ATP9A: variants seen among roughly 807,000 people sequenced by gnomAD.
ATP9A encodes ATPase phospholipid transporting 9A.
In ATP9A, 52 loss-of-function variants were observed where a neutral mutation model predicts 144.1. That is an observed-to-expected ratio of 0.36 (90% CI 0.29 to 0.45). The LOEUF (loss-of-function observed/expected upper bound fraction) is 0.45. Among genes scored for constraint, ATP9A ranks in the 20% least tolerant of loss-of-function variants. ATP9A has a pLI of 1.00. For missense variants in ATP9A, 947 were observed against 1,392.7 expected, an observed-to-expected ratio of 0.68 and a Z score of 5.09; for synonymous variants, 582 against 557.4, an observed-to-expected ratio of 1.04 and a Z score of -0.62.
chr20:51,686,225 G>A (rs1348664275), intron 9 of ATP9A, among the ~76,000 whole-genome samples: 2 of 151,918 alleles, frequency 1.3e-5, no homozygotes, highest in Non-Finnish European at 2.9e-5. Context: ...GTGGCGTGGG[G>A]GAGTGGGGAG....
At chr20:51,645,239 A>T (rs539716835) in intron 14 of ATP9A, among the ~76,000 whole-genome samples, 1 of 152,130 alleles carries the variant, frequency 6.6e-6, no homozygotes. Flanking sequence ...CCTCTGCAGG[A>T]TCTGGCGAGG....
At chr20:51,709,419 G>T (rs937167596) in intron 4 of ATP9A, among the ~76,000 whole-genome samples, 3 of 152,146 alleles carry the variant, frequency 2.0e-5, no homozygotes, top group Non-Finnish European at 4.4e-5. Flanking sequence ...GGAGGCTCGG[G>T]CAGGAGAATC....
chr20:51,613,248 C>T (rs1214588191), intron 23 of ATP9A, among the ~76,000 whole-genome samples: 2 of 152,168 alleles, frequency 1.3e-5, no homozygotes, highest in Admixed American at 6.5e-5. Context: ...GGTGAAAAAC[C>T]AGGGCCTGAA....
intron 2 of ATP9A, among the ~76,000 whole-genome samples, chr20:51,728,827 T>C (rs1490925943): frequency 6.6e-6 from 1 of 152,176 alleles, no homozygotes; most frequent in Non-Finnish European, 1.5e-5. Flanking sequence ...GCCTCTGCAC[T>C]ATCACTCAAT....
intron 3 of ATP9A, among the ~76,000 whole-genome samples, chr20:51,718,482 G>T (rs2077672473): frequency 6.6e-6 from 1 of 151,956 alleles, no homozygotes; most frequent in Non-Finnish European, 1.5e-5. Flanking sequence ...CTTTGGAGGA[G>T]TGGGGGGCAA....
rs747824190 is a variant in ATP9A, at chr20:51,676,166, C to T, written c.842G>A (p.Arg281Gln). 3.1e-6 allele frequency: 5 copies of T among 1,612,380 alleles called. No homozygotes were observed. The highest frequency in any genetic ancestry group is 1.3e-5 in the African/African-American group (1 of 74,578). ...GGGATTTGAGGTATTCATGACACTCCGGAGTTCTCTGCCAGTGTAAAGAAC... is the reference window on the plus strand; with the variant it reads ...GGGATTTGAGGTATTCATGACACTCTGGAGTTCTCTGCCAGTGTAAAGAAC... ...GVVLYTGREL[R>Q]SVMNTSNPRS... The change falls in exon 10 of 28, where the codon CGG becomes CAG. Residue 281 changes from arginine (R) to glutamine (Q), a missense_variant. Coordinates refer to ENST00000338821, the MANE Select transcript of ATP9A (RefSeq NM_006045.3).
intron 3 of ATP9A, among the ~76,000 whole-genome samples, chr20:51,714,132 C>T (rs1219451540): frequency 1.3e-5 from 2 of 152,046 alleles, no homozygotes; most frequent in Non-Finnish European, 2.9e-5. Flanking sequence ...GTCTCGATCT[C>T]TTGACCTCGT....
At chr20:51,650,072 C>A (rs1374904970) in intron 14 of ATP9A, among the ~76,000 whole-genome samples, 2 of 152,032 alleles carry the variant, frequency 1.3e-5, no homozygotes, top group Non-Finnish European at 2.9e-5. Context: ...GCATTTATGC[C>A]ACTGGGAGGC....
intron 6 of ATP9A, among the ~76,000 whole-genome samples, chr20:51,695,219 T>G (rs2077565464): frequency 6.6e-6 from 1 of 152,124 alleles, no homozygotes; most frequent in South Asian, 2.1e-4. Flanking sequence ...CCAGGCGTGG[T>G]GGCTCACACC....
At chr20:51,760,992 C>T (rs1229313305) in intron 1 of ATP9A, among the ~76,000 whole-genome samples, 1 of 152,186 alleles carries the variant, frequency 6.6e-6, no homozygotes, top group Non-Finnish European at 1.5e-5. Flanking sequence ...TGCGCCACTG[C>T]ACTCCAGCCT....
At chr20:51,647,299 A>C (rs1486635301) in intron 14 of ATP9A, among the ~76,000 whole-genome samples, 2 of 152,198 alleles carry the variant, frequency 1.3e-5, no homozygotes, top group African/African-American at 4.8e-5. Flanking sequence ...CTGTAATCCC[A>C]GCACTTTGTG....
intron 3 of ATP9A, among the ~76,000 whole-genome samples, chr20:51,715,967 A>T (rs1369355647): frequency 2.0e-5 from 3 of 150,758 alleles, no homozygotes; most frequent in African/African-American, 7.3e-5. Context: ...AAATAAATTC[A>T]CTAAAGCAAA....
intron 13 of ATP9A, among the ~76,000 whole-genome samples, chr20:51,668,690 A>G (rs940244702): frequency 2.6e-5 from 4 of 152,186 alleles, no homozygotes; most frequent in Non-Finnish European, 5.9e-5. Context: ...AAAAAGGTCC[A>G]TGGATCCATT....
intron 1 of ATP9A, among the ~76,000 whole-genome samples, chr20:51,736,832 C>T (rs1170876695): frequency 6.6e-6 from 1 of 151,134 alleles, no homozygotes; most frequent in African/African-American, 2.4e-5. Flanking sequence ...ATCATCCAGG[C>T]AAGACTATAG....
intron 22 of ATP9A, among the ~76,000 whole-genome samples, chr20:51,616,718 A>G (rs541545880): frequency 5.3e-5 from 8 of 152,302 alleles, no homozygotes; most frequent in African/African-American, 1.2e-4. Flanking sequence ...AGGCAAGCGC[A>G]CAATTGGCAA....
chr20:51,631,006 G>A (rs1362769762), intron 15 of ATP9A, among the ~76,000 whole-genome samples: 1 of 152,078 alleles, frequency 6.6e-6, no homozygotes, highest in Non-Finnish European at 1.5e-5. Context: ...ACTTCTGTCT[G>A]TTCGGCTCCC....
intron 3 of ATP9A, among the ~76,000 whole-genome samples, chr20:51,719,495 G>T (rs2077678729): frequency 6.6e-6 from 1 of 152,120 alleles, no homozygotes; most frequent in African/African-American, 2.4e-5. Flanking sequence ...AGCACTTTGG[G>T]AGGCCAAGAT....
intron 3 of ATP9A, among the ~76,000 whole-genome samples, chr20:51,716,921 C>T (rs1010627388): frequency 6.6e-6 from 1 of 152,134 alleles, no homozygotes; most frequent in Non-Finnish European, 1.5e-5. Context: ...CACCTGTAAT[C>T]CCAGTACTTC....
chr20:51,762,209 A>G (rs555009186), intron 1 of ATP9A, among the ~76,000 whole-genome samples: 6 of 152,232 alleles, frequency 3.9e-5, no homozygotes, highest in African/African-American at 1.4e-4. Flanking sequence ...TACCAAAAAT[A>G]CAAAAATTAG....
Sources: gnomAD v4.1 joint callset for allele counts (sites outside exome capture counted in the v4.1 genomes callset) on GRCh38, gnomAD v4.1.1 for gene constraint, MANE v1.5 for transcripts, NCBI Gene and HGNC (gene_info 2026-07-23, HGNC 2026-07-21) for gene names.